CADM2: variants seen among roughly 807,000 people sequenced by gnomAD.
CADM2 encodes immunoglobulin superfamily member 4D.
CADM2 carries 12 observed loss-of-function variants against 49.8 expected under a neutral mutation model. The ratio of observed to expected loss-of-function variants is 0.24; its 90% confidence interval spans 0.15 to 0.39. The LOEUF (loss-of-function observed/expected upper bound fraction) is 0.39, where lower values mean the gene tolerates loss of function less well. Ranked by LOEUF, CADM2 falls within the 10% of genes least tolerant of loss-of-function variation. The pLI, the probability that CADM2 is intolerant of heterozygous loss-of-function variation, is 1.00. For missense variants in CADM2, 378 were observed against 492.3 expected, an observed-to-expected ratio of 0.77 and a Z score of 2.20; for synonymous variants, 214 against 175.4, an observed-to-expected ratio of 1.22 and a Z score of -1.74.
At chr3:85,407,801 A>G (rs1228109076) in intron 1 of CADM2, among the ~76,000 whole-genome samples, 2 of 152,000 alleles carry the variant, frequency 1.3e-5, no homozygotes, top group African/African-American at 4.8e-5. Context: ...TGGTCAACAT[A>G]GTGAGACCCT....
At chr3:85,261,576 C>A (rs906553900) in intron 1 of CADM2, among the ~76,000 whole-genome samples, 3 of 151,924 alleles carry the variant, frequency 2.0e-5, no homozygotes, top group Non-Finnish European at 4.4e-5. Context: ...TTTTCTATGG[C>A]CTTCAGTGAG....
intron 1 of CADM2, among the ~76,000 whole-genome samples, chr3:85,031,038 G>T (rs1449082630): frequency 2.0e-5 from 3 of 152,250 alleles, no homozygotes; most frequent in Admixed American, 2.0e-4. Flanking sequence ...GCAGTGTGAG[G>T]TTAATGTTGA....
At chr3:85,706,776 G>A (rs2066964249) in intron 1 of CADM2, among the ~76,000 whole-genome samples, 2 of 152,072 alleles carry the variant, frequency 1.3e-5, no homozygotes, top group South Asian at 2.1e-4. Context: ...CTTATTTCTT[G>A]TTTTTTCCAT....
At chr3:85,854,283 A>G (rs918644179) in intron 3 of CADM2, among the ~76,000 whole-genome samples, 4 of 152,170 alleles carry the variant, frequency 2.6e-5, no homozygotes, top group African/African-American at 7.2e-5. Context: ...TACTGGGTAT[A>G]TACCCAAAGG....
At chr3:85,501,248 G>A (rs1332205666) in intron 1 of CADM2, among the ~76,000 whole-genome samples, 2 of 152,084 alleles carry the variant, frequency 1.3e-5, no homozygotes, top group Non-Finnish European at 1.5e-5. Flanking sequence ...TGAAAGATTG[G>A]TATTAAATGT....
chr3:85,816,285 T>C (rs2073198488), intron 3 of CADM2, among the ~76,000 whole-genome samples: 1 of 152,016 alleles, frequency 6.6e-6, no homozygotes, highest in African/African-American at 2.4e-5. Context: ...TAAAGGTTAT[T>C]ATACTTAAAA....
intron 1 of CADM2, among the ~76,000 whole-genome samples, chr3:84,975,703 T>G (rs1327302078): frequency 6.6e-6 from 1 of 151,834 alleles, no homozygotes; most frequent in African/African-American, 2.4e-5. Context: ...TAGAGAAAAC[T>G]CTTTGTGTTT....
chr3:85,016,515 G>A (rs999692806), intron 1 of CADM2, among the ~76,000 whole-genome samples: 1 of 152,116 alleles, frequency 6.6e-6, no homozygotes, highest in Non-Finnish European at 1.5e-5. Flanking sequence ...ACTTGGTGCT[G>A]GGTGTGGTGG....
intron 1 of CADM2, among the ~76,000 whole-genome samples, chr3:85,658,510 C>A (rs1303109315): frequency 6.8e-6 from 1 of 147,428 alleles, no homozygotes; most frequent in African/African-American, 2.5e-5. Flanking sequence ...ATCTATCTGT[C>A]TATCTATCTA....
At chr3:85,943,048 C>T (rs1366716615) in intron 7 of CADM2, among the ~76,000 whole-genome samples, 1 of 152,048 alleles carries the variant, frequency 6.6e-6, no homozygotes. Context: ...GAGATGGTAT[C>T]TCATTGTAGT....
intron 1 of CADM2, among the ~76,000 whole-genome samples, chr3:85,658,601 T>TGC (rs1448802928): frequency 2.1e-5 from 3 of 140,464 alleles, no homozygotes; most frequent in Non-Finnish European, 3.1e-5. Flanking sequence ...TATATATATA[T>TGC]ATATATATAT....
intron 1 of CADM2, among the ~76,000 whole-genome samples, chr3:85,396,483 T>C (rs1369125812): frequency 6.6e-6 from 1 of 152,066 alleles, no homozygotes; most frequent in Non-Finnish European, 1.5e-5. Flanking sequence ...CTTTACACTA[T>C]ATTTTAAATT....
In CADM2 at chr3:85,309,166, G is replaced by T. The variant is rs191141917; in HGVS notation, c.61+349498G>T. On this transcript the variant is annotated intron_variant, in intron 1 of 9. Transcript: ENST00000383699. ...TCATTTAGTTGTTAAATTAGGGATA[G>T]ATCTGAGCTAAGTCTTAAAAATCAA... Among the ~76,000 whole-genome samples, 3 of 152,234 alleles carry T rather than the reference G, an allele frequency of 2.0e-5. No individual in the cohort carries two copies. The East Asian group carries it at 5.8e-4, about 29-fold the overall frequency.
At chr3:85,384,362 G>A (rs756983055) in intron 1 of CADM2, among the ~76,000 whole-genome samples, 19 of 151,356 alleles carry the variant, frequency 1.3e-4, no homozygotes, top group Non-Finnish European at 2.5e-4. Flanking sequence ...TGTTGCCCAC[G>A]GTGGAGTGCA....
intron 2 of CADM2, among the ~76,000 whole-genome samples, chr3:85,774,533 T>G (rs755167347): frequency 6.6e-6 from 1 of 151,740 alleles, no homozygotes; most frequent in Non-Finnish European, 1.5e-5. Flanking sequence ...TATTACCTTT[T>G]TTGCAAAAAT....
At chr3:85,990,042 A>AAAAAAAAAAAAAAAAAAACAAAAAAAAG (rs1436572625) in intron 8 of CADM2, among the ~76,000 whole-genome samples, 1 of 108,002 alleles carries the variant, frequency 9.3e-6, no homozygotes, top group Non-Finnish European at 2.0e-5. Flanking sequence ...AAAAAAAAAA[A>AAAAAAAAAAAAAAAAAAACAAAAAAAAG]AAGAAGACTA....
chr3:85,632,301 C>T (rs2107525159), intron 1 of CADM2, among the ~76,000 whole-genome samples: 1 of 152,224 alleles, frequency 6.6e-6, no homozygotes, highest in South Asian at 2.1e-4. Context: ...GAAGGTTTCC[C>T]CAGCCATGTG....
At chr3:85,379,557 A>C (rs2033782550) in intron 1 of CADM2, among the ~76,000 whole-genome samples, 1 of 151,968 alleles carries the variant, frequency 6.6e-6, no homozygotes, top group East Asian at 1.9e-4. Flanking sequence ...ATTTTAATGC[A>C]ATTTTCCTCT....
Position 84,984,032 on chromosome 3 carries a change from G to GATATAT in CADM2, c.61+24376_61+24381dup, listed in dbSNP as rs375979660. On this transcript the variant is annotated intron_variant, in intron 1 of 9. Transcript: ENST00000383699. ...TTTTCACAAATGGCTTCTTCATTGT[G>GATATAT]ATATATATATATATATACACACACA... 4.7e-3 allele frequency among the ~76,000 whole-genome samples: 685 copies of GATATAT among 144,604 alleles called. 7 individuals carry two copies. Among genetic ancestry groups the GATATAT allele is most frequent in the African/African-American group, 0.017 (642 of 37,962 alleles). The allele number at this position is 144,604 out of a possible 152,430, so 94.9% of individuals were successfully genotyped here. A position where few individuals can be genotyped will look rare whatever the true frequency, so the allele number is the denominator to read the frequency against.
Sources: allele counts gnomAD v4.1 joint callset (sites outside exome capture counted in the v4.1 genomes callset), GRCh38; gene constraint gnomAD v4.1.1; transcripts MANE v1.5; gene names NCBI Gene and HGNC (gene_info 2026-07-23, HGNC 2026-07-21).